Variants in VRTN observed in about 807,000 individuals in gnomAD.
VRTN encodes vertebrae development associated.
In VRTN, 5 loss-of-function variants were observed where a neutral mutation model predicts 18.2. The observed-to-expected ratio is 0.27, with a 90% confidence interval of 0.14 to 0.58. The LOEUF (loss-of-function observed/expected upper bound fraction) is 0.58, where lower values mean the gene tolerates loss of function less well. Ranked by LOEUF, VRTN falls within the 20% of genes least tolerant of loss-of-function variation. The pLI, the probability that VRTN is intolerant of heterozygous loss-of-function variation, is 0.91. For synonymous variants in VRTN, 381 were observed against 393.7 expected (o/e 0.97, Z 0.38); for missense variants, 741 against 939.4 (o/e 0.79, Z 2.76).
upstream of VRTN, among the ~76,000 whole-genome samples, chr14:74,345,616 G>A (rs557545614): frequency 1.3e-5 from 2 of 152,006 alleles, no homozygotes; most frequent in African/African-American, 2.4e-5. Context: ...TTTTAAAATA[G>A]CTTAACATAA....
At chr14:74,325,574 A>G (rs1034228327) in intron 1 of VRTN, among the ~76,000 whole-genome samples, 1 of 152,084 alleles carries the variant, frequency 6.6e-6, no homozygotes, top group East Asian at 1.9e-4. Flanking sequence ...TTGGGAGGCC[A>G]AGGCAGGAGG....
intron 1 of VRTN, among the ~76,000 whole-genome samples, chr14:74,329,954 C>T (rs2076363505): frequency 6.6e-6 from 1 of 151,058 alleles, no homozygotes. Flanking sequence ...CTCACTGCAA[C>T]CTCTGCCTCC....
chr14:74,358,415 G>A lies in VRTN; in HGVS notation c.1632G>A (p.Trp544Ter), dbSNP rs778693078. ...TGTCACCTTCTGCCTTTTGGGTCTG[G>A]AAGAGTCTTGCTCGGGGTTGGCCCA... ...PSLSPSAFWVWKSLARGWPRG... is the reference protein window; with the variant it reads ...PSLSPSAFWV Residue 544 changes from tryptophan (W) to a stop codon, truncating the protein, a stop_gained, in exon 2 of 2, where the codon TGG becomes TGA. Coordinates refer to ENST00000256362, the MANE Select transcript of VRTN (RefSeq NM_018228.3). LOFTEE classifies it low-confidence loss of function (END_TRUNC). This position sits in a 1 kb window ranked among gnomAD's most constrained non-coding sequence, Gnocchi z 5.4. 6.2e-7 allele frequency: 1 copy of A among 1,614,172 alleles called. No homozygotes were observed. The highest frequency in any genetic ancestry group is 1.1e-5 in the South Asian group (1 of 91,084).
chr14:74,319,991 G>A (rs2108761), intron 1 of VRTN, among the ~76,000 whole-genome samples: 26,298 of 152,158 alleles, frequency 0.17, 3,004 homozygotes, highest in East Asian at 0.48. Context: ...GCTCATGCCT[G>A]TAATCCCAGC....
In VRTN at chr14:74,358,040, A is replaced by T; in HGVS notation, c.1257A>T (p.Val419=). 1 of 1,614,192 alleles carries T rather than the reference A, an allele frequency of 6.2e-7. No homozygotes were observed. The highest frequency in any genetic ancestry group is 8.5e-7 in the Non-Finnish European group (1 of 1,180,020). The part of the protein sequence containing the change: ...LEHCISLNTL[V]PYRCFKRRFP... The stretch of plus-strand genomic sequence containing the variant: ...ATTGCATCTCCCTGAACACACTGGT[A>T]CCCTATCGCTGCTTCAAACGCAGGT... Residue 419 remains valine (V), a synonymous_variant, in exon 2 of 2, where the codon GTA becomes GTT. Transcript: ENST00000256362. The surrounding 1 kb of genome is among the most constrained non-coding windows in gnomAD (Gnocchi z 5.4).
In VRTN at chr14:74,359,136, AT is replaced by A; in HGVS notation, c.*249del. ...TCCTCTTTCGTTGTTTGCTGGTCAT[AT>A]TTTTACTGTTATGATTTAGTTTTTG... On this transcript the variant is annotated 3_prime_UTR_variant, in exon 2 of 2. Transcript: ENST00000256362. The A allele has an allele frequency of 1.4e-6, 1 of 701,704 alleles. No individual in the cohort carries two copies. The highest frequency in any genetic ancestry group is 2.1e-6 in the Non-Finnish European group (1 of 486,866). The allele number at this position is 701,704 out of a possible 1,614,324, so 43.5% of individuals were successfully genotyped here.
At chr14:74,306,769 GTTT>G (rs879942939) in intron 1 of VRTN, among the ~76,000 whole-genome samples, 1 of 142,776 alleles carries the variant, frequency 7.0e-6, no homozygotes, top group Non-Finnish European at 1.5e-5. Context: ...TAATTTTTAA[GTTT>G]TTTTTTTTTT....
intron 1 of VRTN, among the ~76,000 whole-genome samples, chr14:74,352,718 C>T (rs979926160): frequency 2.6e-5 from 4 of 152,010 alleles, no homozygotes; most frequent in African/African-American, 7.3e-5. Flanking sequence ...TGGCCTTAAG[C>T]GTACAGTTTG....
rs548764793 is a variant in VRTN at position 74,319,158 on chromosome 14, G to C, written c.-164+15982G>C. Among the ~76,000 whole-genome samples, 65 of 152,038 alleles carry C rather than the reference G, an allele frequency of 4.3e-4. 1 individual carries two copies. Among genetic ancestry groups the C allele is most frequent in the African/African-American group, 1.5e-3 (63 of 41,484 alleles). On this transcript the variant is annotated intron_variant, in intron 1 of 2. Coordinates refer to the VRTN transcript ENST00000557177. ...AGCGATTCTCCTGCCTTGGCCTCCA[G>C]AGTAGCTGGGATTACAGGCATGTGC... is the stretch of plus-strand genomic sequence containing the variant.
At chr14:74,333,839 C>CA (rs894420868) in intron 1 of VRTN, among the ~76,000 whole-genome samples, 36 of 146,890 alleles carry the variant, frequency 2.5e-4, no homozygotes, top group Non-Finnish European at 2.5e-4. Flanking sequence ...GACTCTGTCT[C>CA]AAAAAAAAAT....
intron 1 of VRTN, among the ~76,000 whole-genome samples, chr14:74,310,056 A>G (rs895577717): frequency 6.6e-6 from 1 of 152,164 alleles, no homozygotes; most frequent in African/African-American, 2.4e-5. Context: ...GAGCAGTTAA[A>G]CAAAATATGA....
At chr14:74,335,740 A>C (rs1322473773) in intron 1 of VRTN, among the ~76,000 whole-genome samples, 1 of 132,312 alleles carries the variant, frequency 7.6e-6, no homozygotes, top group African/African-American at 2.7e-5. Flanking sequence ...CAGATGTTCT[A>C]TTTTTTTTTT....
intron 1 of VRTN, among the ~76,000 whole-genome samples, chr14:74,317,820 C>A (rs2085427316): frequency 6.6e-6 from 1 of 150,792 alleles, no homozygotes; most frequent in Admixed American, 6.6e-5. Flanking sequence ...AACAAAAAAA[C>A]AAAAAAAACA....
At chr14:74,326,779 A>G (rs1379515132) in intron 1 of VRTN, among the ~76,000 whole-genome samples, 4 of 134,984 alleles carry the variant, frequency 3.0e-5, no homozygotes, top group Admixed American at 8.2e-5. Flanking sequence ...TTCCCACCCC[A>G]TGATCCTCTC....
chr14:74,320,353 C>T (rs1195288672), intron 1 of VRTN, among the ~76,000 whole-genome samples: 5 of 147,526 alleles, frequency 3.4e-5, no homozygotes, highest in South Asian at 2.2e-4. Context: ...CTCTGCCTCC[C>T]GGGTTCACGC....
chr14:74,316,344 T>G (rs1023193778), intron 1 of VRTN, among the ~76,000 whole-genome samples: 6 of 151,970 alleles, frequency 3.9e-5, no homozygotes, highest in Non-Finnish European at 7.4e-5. Context: ...GGTGAAACTC[T>G]GTCTCTACTA....
intron 1 of VRTN, among the ~76,000 whole-genome samples, chr14:74,327,484 C>T (rs1196518837): frequency 1.3e-5 from 2 of 152,156 alleles, no homozygotes; most frequent in Non-Finnish European, 2.9e-5. Flanking sequence ...ACCCAGGCTC[C>T]CCTTCCTCCC....
chr14:74,322,202 T>C, intron 1 of VRTN, among the ~76,000 whole-genome samples: 1 of 151,704 alleles, frequency 6.6e-6, no homozygotes, highest in East Asian at 1.9e-4. Flanking sequence ...TGCTGGAGTA[T>C]AGTGGCACAG....
chr14:74,357,578 A>G lies in VRTN; in HGVS notation c.795A>G (p.Ser265=), dbSNP rs1212885411. ...CTCTTCCAGCCCTGGCCCCACTCTC[A>G]TCGCCGGCCAAGACCCTGGAGCTGC... The part of the protein sequence containing the change: ...APALPALAPL[S]SPAKTLELLN... Residue 265 remains serine (S), a synonymous_variant, in exon 2 of 2, where the codon TCA becomes TCG. Transcript: ENST00000256362. The surrounding 1 kb of genome is among the most constrained non-coding windows in gnomAD (Gnocchi z 7.8). The G allele has an allele frequency of 6.2e-7, 1 of 1,613,758 alleles. No individual in the cohort carries two copies. Among genetic ancestry groups the G allele is most frequent in the Non-Finnish European group, 8.5e-7 (1 of 1,179,966 alleles).
Sources: gnomAD v4.1 joint callset for allele counts (sites outside exome capture counted in the v4.1 genomes callset) on GRCh38, gnomAD v4.1.1 for gene constraint, Gnocchi (gnomAD v3.1) non-coding constraint, MANE v1.5 for transcripts, NCBI Gene and HGNC (gene_info 2026-07-23, HGNC 2026-07-21) for gene names.